SPEN: variants seen among roughly 807,000 people sequenced by gnomAD.
The protein encoded by SPEN is spen family transcriptional repressor.
SPEN carries 18 observed loss-of-function variants against 269.9 expected under a neutral mutation model. That is an observed-to-expected ratio of 0.07 (90% CI 0.05 to 0.10). The LOEUF (loss-of-function observed/expected upper bound fraction) is 0.10. Among genes scored for constraint, SPEN ranks in the 10% least tolerant of loss-of-function variants. The pLI, the probability that SPEN is intolerant of heterozygous loss-of-function variation, is 1.00. For missense variants in SPEN, 3,822 were observed against 4,631.2 expected (o/e 0.83, Z 5.07); for synonymous variants, 1,726 against 1,765.7 (o/e 0.98, Z 0.56).
At chr1:15,915,892 T>A (rs893136753) in intron 5 of SPEN, among the ~76,000 whole-genome samples, 15 of 150,728 alleles carry the variant, frequency 1.0e-4, no homozygotes, top group African/African-American at 3.4e-4. Context: ...AAACAAAGTG[T>A]TACTTTAGCC....
At chr1:15,910,597 T>C (rs2071002870) in intron 4 of SPEN, among the ~76,000 whole-genome samples, 2 of 151,770 alleles carry the variant, frequency 1.3e-5, no homozygotes, top group Admixed American at 1.3e-4. Context: ...TTTATCTGTT[T>C]CCTGTCTTCC....
intron 5 of SPEN, among the ~76,000 whole-genome samples, chr1:15,911,984 GAAAC>G (rs999838093): frequency 2.0e-5 from 3 of 152,084 alleles, no homozygotes; most frequent in Admixed American, 6.5e-5. Flanking sequence ...AAAGAAAAAA[GAAAC>G]AAATTACTTA....
chr1:15,904,426 T>A (rs2070933541), intron 3 of SPEN, among the ~76,000 whole-genome samples: 1 of 97,812 alleles, frequency 1.0e-5, no homozygotes, highest in Non-Finnish European at 1.9e-5. Flanking sequence ...CACTCCAGCC[T>A]GGGCAATAAG....
At chr1:15,874,610 G>A (rs766050269) in intron 2 of SPEN, among the ~76,000 whole-genome samples, 4 of 152,126 alleles carry the variant, frequency 2.6e-5, no homozygotes, top group Non-Finnish European at 4.4e-5. Flanking sequence ...AGCAGTAATC[G>A]TCCTAGAACT....
At chr1:15,924,974 C>T (rs2071152643) in intron 10 of SPEN, among the ~76,000 whole-genome samples, 1 of 152,250 alleles carries the variant, frequency 6.6e-6, no homozygotes, top group Middle Eastern at 3.4e-3. Flanking sequence ...GGATCTTTGC[C>T]TCTTCCATAG....
At chr1:15,849,067 G>A (rs1409431751) in intron 1 of SPEN, among the ~76,000 whole-genome samples, 1 of 152,206 alleles carries the variant, frequency 6.6e-6, no homozygotes, top group Non-Finnish European at 1.5e-5. Flanking sequence ...TGAGTAGCGT[G>A]TAGTGCGTTT....
In SPEN at chr1:15,918,957, C is replaced by G. The variant is rs763320851; in HGVS notation, c.1427C>G (p.Pro476Arg). The change falls in exon 7 of 15, where the codon CCT (proline) becomes CGT (arginine). Residue 476 changes from proline to arginine, a missense_variant. Physicochemically the swap from Pro to Arg is moderately radical, Grantham distance 103. Coordinates refer to ENST00000375759, the MANE Select transcript of SPEN (RefSeq NM_015001.3). ...DIDIKKVNGV[P>R]QYAFLQYCDI... ...GACATTAAGAAAGTAAATGGAGTTC[C>G]TCAGTATGCGTTTCTGCAATACTGT... 6.2e-7 allele frequency: 1 copy of G among 1,610,494 alleles called. No homozygotes were observed. The highest frequency in any genetic ancestry group is 8.5e-7 in the Non-Finnish European group (1 of 1,178,470).
chr1:15,931,159 C>G lies in SPEN; in HGVS notation c.4919C>G (p.Pro1640Arg). ...ELKTPPSVGP[P>R]SVTVVTLESA... ...AAAACTCCACCTTCCGTTGGGCCTC[C>G]AAGTGTCACAGTCGTAACTCTAGAA... is the stretch of plus-strand genomic sequence containing the variant. Residue 1640 changes from proline to arginine, a missense_variant, in exon 11 of 15, where the codon CCA becomes CGA. Physicochemically the swap from Pro to Arg is moderately radical, Grantham distance 103 (BLOSUM62 -2). Around this residue, in one of 16 missense-constraint regions of SPEN, gnomAD observed 533 missense variants for 618.8 expected, o/e 0.86. Transcript: ENST00000375759. This position sits in a 1 kb window ranked among gnomAD's most constrained non-coding sequence, Gnocchi z 4.8. 1 of 1,614,202 alleles carries G rather than the reference C, an allele frequency of 6.2e-7. No individual in the cohort carries two copies. Among genetic ancestry groups the G allele is most frequent in the Non-Finnish European group, 8.5e-7 (1 of 1,180,018 alleles).
intron 3 of SPEN, among the ~76,000 whole-genome samples, chr1:15,884,821 C>A (rs764777720): frequency 2.6e-5 from 4 of 151,856 alleles, no homozygotes; most frequent in Non-Finnish European, 4.4e-5. Context: ...GCAACCTCTG[C>A]CTCCCAGGTT....
In SPEN at chr1:15,935,818, G is replaced by A. The variant is rs1462385531; in HGVS notation, c.9578G>A (p.Arg3193Gln). The A allele has an allele frequency of 1.9e-5, 30 of 1,613,756 alleles. No individual in the cohort carries two copies. The highest frequency in any genetic ancestry group is 6.7e-5 in the Admixed American group (4 of 60,006). The change falls in exon 11 of 15, where the codon CGG (arginine) becomes CAG (glutamine). Residue 3193 changes from arginine (R) to glutamine (Q), a missense_variant. Physicochemically the swap from Arg to Gln is conservative, Grantham distance 43 (BLOSUM62 1). Around this residue, in one of 16 missense-constraint regions of SPEN, gnomAD observed 153 missense variants for 228.5 expected, o/e 0.67. Transcript: ENST00000375759. This position sits in a 1 kb window ranked among gnomAD's most constrained non-coding sequence, Gnocchi z 7.7. The part of the protein sequence containing the change: ...EYRLHPYTVP[R>Q]DVRIMVHPHV... Reference sequence around the variant, plus strand: ...CGACTGCACCCCTATACTGTGCCACGGGATGTGAGGATCATGGTGCATCCA... The same window carrying A: ...CGACTGCACCCCTATACTGTGCCACAGGATGTGAGGATCATGGTGCATCCA...
chr1:15,876,306 A>G lies in SPEN; in HGVS notation c.509A>G (p.Tyr170Cys), dbSNP rs1557739888. 1 of 1,614,084 alleles carries G rather than the reference A, an allele frequency of 6.2e-7. No individual in the cohort carries two copies. The highest frequency in any genetic ancestry group is 8.5e-7 in the Non-Finnish European group (1 of 1,180,020). ...ACAAGACATTACGATCAGGATTACT[A>G]TAGAGATCCTCGAGAGCGGACTTTA... ...DRTRHYDQDY[Y>C]RDPRERTLQH... The change falls in exon 3 of 15, where the codon TAT becomes TGT. Residue 170 changes from tyrosine to cysteine, a missense_variant. Tyr to Cys is a radical substitution (Grantham distance 194). This residue lies in a region of SPEN where 327 missense variants were observed against 350.8 expected (regional missense o/e 0.93). Coordinates refer to ENST00000375759, the MANE Select transcript of SPEN (RefSeq NM_015001.3).
chr1:15,850,555 A>G (rs1299744447), intron 1 of SPEN, among the ~76,000 whole-genome samples: 1 of 152,040 alleles, frequency 6.6e-6, no homozygotes, highest in African/African-American at 2.4e-5. Flanking sequence ...ACCCCCCAAA[A>G]TCCAGGTAAT....
intron 1 of SPEN, among the ~76,000 whole-genome samples, chr1:15,855,400 T>G (rs1298289938): frequency 6.6e-6 from 1 of 152,256 alleles, no homozygotes; most frequent in African/African-American, 2.4e-5. Context: ...AAAGTGATTT[T>G]TTTTTTACAC....
At chr1:15,888,666 C>T (rs757695138) in intron 3 of SPEN, among the ~76,000 whole-genome samples, 32 of 149,738 alleles carry the variant, frequency 2.1e-4, no homozygotes, top group Non-Finnish European at 4.1e-4. Context: ...GTGTTTTGCT[C>T]TTGCTGCCCA....
chr1:15,937,037 G>A lies in SPEN; in HGVS notation c.10027-126G>A. On this transcript the variant is annotated intron_variant, in intron 11 of 14. Coordinates refer to ENST00000375759, the MANE Select transcript of SPEN (RefSeq NM_015001.3). This position sits in a 1 kb window ranked among gnomAD's most constrained non-coding sequence, Gnocchi z 5.7. ...CTCCGTTGATTCAGGCTCCTTCTGT[G>A]GGCCTGACTTAACGGGAGATGCCAC... The A allele has an allele frequency of 7.2e-7, 1 of 1,388,500 alleles. No individual in the cohort carries two copies. Among genetic ancestry groups the A allele is most frequent in the Non-Finnish European group, 9.8e-7 (1 of 1,024,632 alleles). The allele number at this position is 1,388,500 out of a possible 1,614,324, so 86.0% of individuals were successfully genotyped here. A position where few individuals can be genotyped will look rare whatever the true frequency, so the allele number is the denominator to read the frequency against.
intron 1 of SPEN, among the ~76,000 whole-genome samples, chr1:15,863,805 C>T (rs564491197): frequency 6.6e-6 from 1 of 152,216 alleles, no homozygotes; most frequent in Non-Finnish European, 1.5e-5. Context: ...TGCACCACTG[C>T]ACTCCAGCCT....
At chr1:15,865,368 A>G (rs1053846692) in intron 1 of SPEN, among the ~76,000 whole-genome samples, 9 of 147,608 alleles carry the variant, frequency 6.1e-5, no homozygotes, top group African/African-American at 2.0e-4. Flanking sequence ...GTTTGTTTTA[A>G]TTACCATTTG....
At position 15,930,529 on chromosome 1, in the gene SPEN, A is replaced by G. The variant is rs754964125; in HGVS notation, c.4289A>G (p.Lys1430Arg). The G allele has an allele frequency of 2.5e-6, 4 of 1,614,076 alleles. No individual in the cohort carries two copies. Among genetic ancestry groups the G allele is most frequent in the African/African-American group, 2.7e-5 (2 of 74,946 alleles). Reference sequence around the variant, plus strand: ...CTCTCTAGTTCTTTAGAAAGGAACAAATTTTACTCTTTTGCATTGGATAAG... The same window carrying G: ...CTCTCTAGTTCTTTAGAAAGGAACAGATTTTACTCTTTTGCATTGGATAAG... ...ERLSSSLERN[K>R]FYSFALDKTI... Residue 1430 changes from lysine to arginine, a missense_variant, in exon 11 of 15, where the codon AAA becomes AGA. Lys to Arg is a conservative substitution (Grantham distance 26, BLOSUM62 2). Around this residue, in one of 16 missense-constraint regions of SPEN, gnomAD observed 267 missense variants for 315.5 expected, o/e 0.85. Coordinates refer to ENST00000375759, the MANE Select transcript of SPEN (RefSeq NM_015001.3). The surrounding 1 kb of genome is among the most constrained non-coding windows in gnomAD (Gnocchi z 5.3).
chr1:15,919,140 A>G (rs770966425), intron 7 of SPEN, 89 bp downstream of exon 7: 9 of 1,138,212 alleles, frequency 7.9e-6, no homozygotes, highest in Non-Finnish European at 1.1e-5. Context: ...ATGCCTTATT[A>G]TTTAAGATCC....
Sources: allele counts gnomAD v4.1 joint callset (sites outside exome capture counted in the v4.1 genomes callset), GRCh38; gene constraint gnomAD v4.1.1; regional missense constraint gnomAD v4.1.1; non-coding constraint Gnocchi (gnomAD v3.1); transcripts MANE v1.5; gene names NCBI Gene and HGNC (gene_info 2026-07-23, HGNC 2026-07-21).